NPY2R: variants seen among roughly 807,000 people sequenced by gnomAD.
NPY2R encodes the protein neuropeptide Y receptor Y2.
In NPY2R, 17 loss-of-function variants were observed where a neutral mutation model predicts 22.3. The observed-to-expected ratio is 0.76, with a 90% CI of 0.52 to 1.14. The LOEUF (loss-of-function observed/expected upper bound fraction) is 1.14. Ranked by LOEUF, NPY2R falls within the 50% of genes most tolerant of loss-of-function variation. NPY2R has a pLI of 0.00. For synonymous variants in NPY2R, 209 were observed against 183.4 expected, an observed-to-expected ratio of 1.14 and a Z score of -1.13; for missense variants, 424 against 467.9, an observed-to-expected ratio of 0.91 and a Z score of 0.87.
At chr4:155,191,188 C>T in the NPY2R span, among the ~76,000 whole-genome samples, 2 of 151,796 alleles carry the variant, frequency 1.3e-5, no homozygotes, top group African/African-American at 4.8e-5. Flanking sequence ...ATGCATTCTC[C>T]CAAATTTTGA....
At chr4:155,204,333 TG>T (rs1560761006), upstream of NPY2R, among the ~76,000 whole-genome samples, 1 of 152,222 alleles carries the variant, frequency 6.6e-6, no homozygotes, top group African/African-American at 2.4e-5. Flanking sequence ...CTTCCCCACC[TG>T]GGGCCACTGA....
chr4:155,184,588 G>C, the NPY2R span, among the ~76,000 whole-genome samples: 2 of 152,062 alleles, frequency 1.3e-5, no homozygotes, highest in African/African-American at 2.4e-5. Flanking sequence ...CATGAAGCTG[G>C]GGCCCCCTGA....
chr4:155,195,153 G>A, the NPY2R span, among the ~76,000 whole-genome samples: 1 of 151,880 alleles, frequency 6.6e-6, no homozygotes, highest in Non-Finnish European at 1.5e-5. Flanking sequence ...GAATCTGTAT[G>A]AGCAACAGGA....
the NPY2R span, among the ~76,000 whole-genome samples, chr4:155,174,484 A>ATT: frequency 0.18 from 19,587 of 106,002 alleles, 2,115 homozygotes; most frequent in East Asian, 0.23. Flanking sequence ...ATATATATAT[A>ATT]TTTTTTTTTT....
intron 1 of NPY2R, among the ~76,000 whole-genome samples, chr4:155,212,318 T>G (rs955843097): frequency 1.3e-5 from 2 of 151,894 alleles, no homozygotes; most frequent in African/African-American, 4.8e-5. Context: ...ACTGAAAAAA[T>G]GAAACTTATA....
chr4:155,179,631 C>A, the NPY2R span, among the ~76,000 whole-genome samples: 2,397 of 152,304 alleles, frequency 0.016, 57 homozygotes, highest in African/African-American at 0.054. Flanking sequence ...GTTTTCATCT[C>A]TGGCAACTGC....
rs1363926325 is a variant in NPY2R at position 155,208,930 on chromosome 4, T to C, written c.-188T>C. 6.6e-6 allele frequency: 1 copy of C among 152,184 alleles called. No individual in the cohort carries two copies. Among genetic ancestry groups the C allele is most frequent in the Admixed American group, 6.5e-5 (1 of 15,288 alleles). 9.4% of individuals were successfully genotyped at this position (152,184 alleles called of 1,614,324 possible). The stretch of plus-strand genomic sequence containing the variant: ...CCCGCCCGCGCGGCGCGGGCTGTCC[T>C]GGACCCTAGGAGGGGACGGAACCGG... On this transcript the variant is annotated 5_prime_UTR_variant, in exon 1 of 2. Transcript: ENST00000329476. This position sits in a 1 kb window ranked among gnomAD's most constrained non-coding sequence, Gnocchi z 5.6.
At chr4:155,184,163 G>A in the NPY2R span, among the ~76,000 whole-genome samples, 2 of 152,058 alleles carry the variant, frequency 1.3e-5, no homozygotes, top group African/African-American at 4.8e-5. Context: ...TTCAGGTACA[G>A]TGAAGTTCCA....
the NPY2R span, among the ~76,000 whole-genome samples, chr4:155,177,907 T>G: frequency 6.6e-6 from 1 of 152,042 alleles, no homozygotes; most frequent in Non-Finnish European, 1.5e-5. Flanking sequence ...CACCATAAAT[T>G]TTGGAGAGAA....
the NPY2R span, among the ~76,000 whole-genome samples, chr4:155,202,056 G>A: frequency 6.6e-6 from 1 of 152,008 alleles, no homozygotes; most frequent in Non-Finnish European, 1.5e-5. Context: ...TTTAACTTTG[G>A]AAATTATACT....
chr4:155,189,051 T>C, the NPY2R span, among the ~76,000 whole-genome samples: 14 of 152,100 alleles, frequency 9.2e-5, no homozygotes, highest in African/African-American at 3.4e-4. Flanking sequence ...GCACTTCATG[T>C]AATTCTAATA....
the NPY2R span, among the ~76,000 whole-genome samples, chr4:155,195,737 C>T: frequency 1.3e-5 from 2 of 151,858 alleles, no homozygotes; most frequent in Non-Finnish European, 2.9e-5. Flanking sequence ...CCAAACAAAA[C>T]GATTTCTTTA....
the NPY2R span, among the ~76,000 whole-genome samples, chr4:155,192,700 T>C: frequency 1.3e-5 from 2 of 151,932 alleles, no homozygotes; most frequent in Non-Finnish European, 2.9e-5. Context: ...GTTTCATAAA[T>C]GTAACTTGAA....
the NPY2R span, among the ~76,000 whole-genome samples, chr4:155,174,485 T>TATATATATATA: frequency 5.4e-3 from 223 of 41,646 alleles, 1 homozygote; most frequent in African/African-American, 0.016. Context: ...TATATATATA[T>TATATATATATA]TTTTTTTTTT....
At chr4:155,200,082 C>A in the NPY2R span, among the ~76,000 whole-genome samples, 1 of 151,982 alleles carries the variant, frequency 6.6e-6, no homozygotes, top group African/African-American at 2.4e-5. Flanking sequence ...CAATGTGAGA[C>A]AAGTTTGCAA....
At chr4:155,211,970 C>T (rs766814090) in intron 1 of NPY2R, among the ~76,000 whole-genome samples, 4 of 152,252 alleles carry the variant, frequency 2.6e-5, no homozygotes, top group Middle Eastern at 3.4e-3. Flanking sequence ...TGCCTCCCAC[C>T]GACCAAACCC....
chr4:155,187,750 G>A, the NPY2R span, among the ~76,000 whole-genome samples: 29 of 152,226 alleles, frequency 1.9e-4, no homozygotes, highest in African/African-American at 6.5e-4. Context: ...GAGTAAAATG[G>A]TAAGGTGAGT....
At chr4:155,177,792 A>T in the NPY2R span, among the ~76,000 whole-genome samples, 2 of 152,104 alleles carry the variant, frequency 1.3e-5, no homozygotes, top group Non-Finnish European at 2.9e-5. Context: ...CAAAGTTTAC[A>T]GCCTGTATCT....
the NPY2R span, among the ~76,000 whole-genome samples, chr4:155,183,513 G>C: frequency 6.6e-6 from 1 of 152,170 alleles, no homozygotes; most frequent in African/African-American, 2.4e-5. Context: ...GGTTTTCACT[G>C]TTTGTTTGTT....
Sources: gnomAD v4.1 joint callset for allele counts (sites outside exome capture counted in the v4.1 genomes callset) on GRCh38, gnomAD v4.1.1 for gene constraint, Gnocchi (gnomAD v3.1) non-coding constraint, MANE v1.5 for transcripts, NCBI Gene and HGNC (gene_info 2026-07-23, HGNC 2026-07-21) for gene names.